ELL: variants seen among roughly 807,000 people sequenced by gnomAD.
ELL encodes RNA polymerase II elongation factor ELL.
Under a neutral mutation model 64.0 loss-of-function variants are expected in ELL, and 18 were observed. The ratio of observed to expected loss-of-function variants is 0.28; its 90% CI spans 0.19 to 0.42. The LOEUF is 0.42. Among genes scored for constraint, ELL ranks in the 10% least tolerant of loss-of-function variants. The pLI is 1.00. For missense variants in ELL, 797 were observed against 870.4 expected (o/e 0.92, Z 1.06); for synonymous variants, 399 against 376.2 (o/e 1.06, Z -0.70).
At chr19:18,509,373 T>C (rs746576322) in intron 1 of ELL, among the ~76,000 whole-genome samples, 1 of 151,996 alleles carries the variant, frequency 6.6e-6, no homozygotes, top group Non-Finnish European at 1.5e-5. Context: ...CTTACCCTCC[T>C]CAGGCCTGTG....
intron 5 of ELL, among the ~76,000 whole-genome samples, chr19:18,461,251 C>T (rs546423867): frequency 2.0e-5 from 3 of 152,338 alleles, no homozygotes; most frequent in Admixed American, 6.5e-5. Context: ...GTCCACAAAT[C>T]GTCTGCAACT....
intron 6 of ELL, 48 bp downstream of exon 6, chr19:18,458,157 T>C (rs1974721090): frequency 6.3e-7 from 1 of 1,597,186 alleles, no homozygotes; most frequent in Admixed American, 1.7e-5. Context: ...AAGCTCTGGC[T>C]GCCTTCATGC....
At chr19:18,461,970 C>CACCA (rs1356320215) in intron 4 of ELL, 118 bp from the exon 5 acceptor site, 22 of 1,312,228 alleles carry the variant, frequency 1.7e-5, no homozygotes, top group Non-Finnish European at 2.2e-5. Context: ...GGAGGCACCA[C>CACCA]ACCAACCACA....
chr19:18,484,418 TCATA>T (rs1225791561), intron 1 of ELL, among the ~76,000 whole-genome samples: 1 of 152,004 alleles, frequency 6.6e-6, no homozygotes, highest in Non-Finnish European at 1.5e-5. Flanking sequence ...TGAGCCAAGA[TCATA>T]CCACTGCACT....
Position 18,465,498 on chromosome 19 carries a change from TG to T in ELL, c.382del (p.Gln128ArgfsTer69). 1 of 1,613,124 alleles carries T rather than the reference TG, an allele frequency of 6.2e-7. No individual in the cohort carries two copies. The highest frequency in any genetic ancestry group is 8.5e-7 in the Non-Finnish European group (1 of 1,179,270). ...CTGGGCCATGCTCTGCCGCGCCTTC[TG>T]GTAGGAGTCGTCGGTGGCACACACC... The part of the protein sequence containing the change: ...ITVCATDDSY[Q>X]KARQSMAQAE... On this transcript the variant is annotated frameshift_variant, in exon 4 of 12. Transcript: ENST00000262809. LOFTEE classifies it high-confidence loss of function.
At position 18,512,850 on chromosome 19, in the gene ELL, A is replaced by G. The variant is rs560301074; in HGVS notation, c.135+9071T>C. The stretch of plus-strand genomic sequence containing the variant: ...GGAGCCCCAAATTGTCAGTGGGAGC[A>G]GCGCCACCAATGTACCTGATCCCCA... On this transcript the variant is annotated intron_variant, in intron 1 of 11. Transcript: ENST00000262809. Among the ~76,000 whole-genome samples, 176 of 152,248 alleles carry G rather than the reference A, an allele frequency of 1.2e-3. 1 individual carries two copies. The highest frequency in any genetic ancestry group is 6.8e-3 in the Middle Eastern group (2 of 294).
Position 18,450,875 on chromosome 19 carries a change from A to G in ELL, c.1067T>C (p.Leu356Pro). 6.3e-7 allele frequency: 1 copy of G among 1,582,996 alleles called. No individual in the cohort carries two copies. The highest frequency in any genetic ancestry group is 8.6e-7 in the Non-Finnish European group (1 of 1,163,254). Residue 356 changes from leucine (L) to proline (P), a missense_variant, in exon 8 of 12, where the codon CTG (leucine) becomes CCG (proline). Coordinates refer to ENST00000262809, the MANE Select transcript of ELL (RefSeq NM_006532.4). ...GGCCTCACGGCCATTGGGCACGCCC[A>G]GCTTCCCGTTGACGGCAGGCTGAGC... ...QRAQPAVNGK[L>P]GVPNGREALL...
chr19:18,519,698 T>C (rs1600515559), intron 1 of ELL, among the ~76,000 whole-genome samples: 1 of 151,434 alleles, frequency 6.6e-6, no homozygotes, highest in Middle Eastern at 3.4e-3. Flanking sequence ...TCCCAGCTAC[T>C]CGGGAGGCTG....
At chr19:18,445,131 A>C in intron 11 of ELL, 93 bp downstream of exon 11, 4 of 1,539,554 alleles carry the variant, frequency 2.6e-6, no homozygotes, top group Non-Finnish European at 2.7e-6. Flanking sequence ...CACACCTTGG[A>C]AGTAGCGGGC....
intron 1 of ELL, among the ~76,000 whole-genome samples, chr19:18,499,557 AG>A (rs1364023778): frequency 5.9e-5 from 9 of 152,222 alleles, no homozygotes; most frequent in Non-Finnish European, 1.0e-4. Context: ...TAGACTTCCC[AG>A]GGTTGGGGAG....
At position 18,443,135 on chromosome 19, in the gene ELL, G is replaced by A. The variant is rs999960104; in HGVS notation, c.*1617C>T. On this transcript the variant is annotated 3_prime_UTR_variant, in exon 12 of 12. Coordinates refer to ENST00000262809, the MANE Select transcript of ELL (RefSeq NM_006532.4). ...CACCGGTGTCTGCAGGGCTGCCTGC[G>A]GGCGACACAGCAAGGTCCAGCTGAC... The A allele has an allele frequency of 2.5e-4, 58 of 232,392 alleles. No homozygotes were observed. Among genetic ancestry groups the A allele is most frequent in the African/African-American group, 1.2e-3 (55 of 45,260 alleles). 14.4% of individuals were successfully genotyped at this position (232,392 alleles called of 1,614,324 possible). A position where few individuals can be genotyped will look rare whatever the true frequency, so the allele number is the denominator to read the frequency against.
intron 1 of ELL, among the ~76,000 whole-genome samples, chr19:18,518,489 CAA>C (rs34535243): frequency 5.3e-4 from 59 of 110,434 alleles, no homozygotes; most frequent in Admixed American, 5.9e-4. Flanking sequence ...AACCCTGTCT[CAA>C]AAAAAAAAAA....
At chr19:18,446,948 G>T in intron 8 of ELL, 134 bp from the exon 9 acceptor site, 1 of 994,118 alleles carries the variant, frequency 1.0e-6, no homozygotes, top group Non-Finnish European at 1.5e-6. Context: ...CAGAGGGGAT[G>T]ACTGTGTGGC....
intron 1 of ELL, among the ~76,000 whole-genome samples, chr19:18,476,124 A>G (rs1975169960): frequency 6.6e-6 from 1 of 152,186 alleles, no homozygotes; most frequent in South Asian, 2.1e-4. Flanking sequence ...CACACGACCA[A>G]GGCCAGGTGG....
intron 1 of ELL, among the ~76,000 whole-genome samples, chr19:18,497,910 C>T (rs964046826): frequency 6.6e-6 from 1 of 151,244 alleles, no homozygotes; most frequent in Non-Finnish European, 1.5e-5. Flanking sequence ...GAGCAGATCG[C>T]CTGAGGTCGG....
chr19:18,518,370 G>A (rs948449288), intron 1 of ELL, among the ~76,000 whole-genome samples: 1 of 151,768 alleles, frequency 6.6e-6, no homozygotes, highest in Non-Finnish European at 1.5e-5. Context: ...GTGCAGTGGT[G>A]CACACCTGTG....
rs115979546 is a variant in ELL at position 18,489,260 on chromosome 19, G to A, written c.136-16378C>T. On this transcript the variant is annotated intron_variant, in intron 1 of 11. Coordinates refer to ENST00000262809, the MANE Select transcript of ELL (RefSeq NM_006532.4). ...ATGGTGCAGGTGTGAGCGAGGGGGCGTCCTCCCAGGAACGCTAGCACAATT... is the reference window on the plus strand; with the variant it reads ...ATGGTGCAGGTGTGAGCGAGGGGGCATCCTCCCAGGAACGCTAGCACAATT... Among the ~76,000 whole-genome samples the A allele has an allele frequency of 1.4e-3, 219 of 152,304 alleles. 1 individual carries two copies. The highest frequency in any genetic ancestry group is 5.2e-3 in the African/African-American group (215 of 41,564).
At chr19:18,461,963 G>T in intron 4 of ELL, 111 bp from the exon 5 acceptor site, 1 of 1,360,858 alleles carries the variant, frequency 7.3e-7, no homozygotes, top group Non-Finnish European at 1.0e-6. Flanking sequence ...GCTGGTGGGA[G>T]GCACCACACC....
chr19:18,521,615 G>T (rs935827097), intron 1 of ELL, among the ~76,000 whole-genome samples: 2 of 152,040 alleles, frequency 1.3e-5, no homozygotes, highest in African/African-American at 4.8e-5. Context: ...CAGGTGCCCA[G>T]CAGGCCAGAA....
Sources: allele counts gnomAD v4.1 joint callset (sites outside exome capture counted in the v4.1 genomes callset), GRCh38; gene constraint gnomAD v4.1.1; transcripts MANE v1.5; gene names NCBI Gene and HGNC (gene_info 2026-07-23, HGNC 2026-07-21).